Variants in RERE observed in about 807,000 individuals in gnomAD.
RERE encodes the protein arginine-glutamic acid dipeptide repeats.
A neutral mutation model predicts 146.1 loss-of-function variants in RERE; 40 were observed. The observed-to-expected ratio is 0.27, with a 90% CI of 0.21 to 0.36. The LOEUF (loss-of-function observed/expected upper bound fraction) is 0.36, where lower values mean the gene tolerates loss of function less well. Among genes scored for constraint, RERE ranks in the 10% least tolerant of loss-of-function variants. The pLI is 1.00. For missense variants in RERE, 1,933 were observed against 2,138.7 expected (o/e 0.90, Z 1.90); for synonymous variants, 1,003 against 866.0 (o/e 1.16, Z -2.78).
chr1:8,402,730 G>A (rs1217809583), intron 12 of RERE, among the ~76,000 whole-genome samples: 1 of 152,160 alleles, frequency 6.6e-6, no homozygotes, highest in African/African-American at 2.4e-5. Flanking sequence ...ATGGTTTTGA[G>A]ATCAAGGTTA....
intron 1 of RERE, among the ~76,000 whole-genome samples, chr1:8,737,039 C>G (rs1239121609): frequency 6.6e-6 from 1 of 152,160 alleles, no homozygotes; most frequent in Non-Finnish European, 1.5e-5. Flanking sequence ...TCTGAAGACT[C>G]AGAAGCAGAC....
intron 1 of RERE, among the ~76,000 whole-genome samples, chr1:8,702,860 T>C (rs1639482645): frequency 6.6e-6 from 1 of 152,118 alleles, no homozygotes. Context: ...CCAACAGAAA[T>C]GCAATGGGAC....
chr1:8,363,248 C>G (rs1017380323), intron 15 of RERE, among the ~76,000 whole-genome samples: 4 of 152,234 alleles, frequency 2.6e-5, no homozygotes, highest in African/African-American at 7.2e-5. Context: ...AAATCAAACA[C>G]TTGTGGATTT....
At position 8,356,002 on chromosome 1, in the gene RERE, G is replaced by T; in HGVS notation, c.4486+98C>A. ...GGGGGAGCGAACCCACCTGCTCAAT[G>T]CATGAATGAATGAATGAGTAATGAA... On this transcript the variant is annotated intron_variant, in intron 21 of 22. Transcript: ENST00000400908. This position sits in a 1 kb window ranked among gnomAD's most constrained non-coding sequence, Gnocchi z 5.2. 1 of 1,316,862 alleles carries T rather than the reference G, an allele frequency of 7.6e-7. No individual in the cohort carries two copies. Among genetic ancestry groups the T allele is most frequent in the Non-Finnish European group, 1.0e-6 (1 of 986,334 alleles). 81.6% of individuals were successfully genotyped at this position (1,316,862 alleles called of 1,614,324 possible). A position where few individuals can be genotyped will look rare whatever the true frequency, so the allele number is the denominator to read the frequency against.
rs558862089 is a variant in RERE at position 8,603,640 on chromosome 1, T to A, written c.522+10921A>T. ...ACACAAATTATACCTAATTTGTGTA[T>A]TGGGGAAGGGAGGAAATTAAGTAAT... is the stretch of plus-strand genomic sequence containing the variant. On this transcript the variant is annotated intron_variant, in intron 4 of 22. Transcript: ENST00000400908. Among the ~76,000 whole-genome samples the A allele has an allele frequency of 8.7e-4, 132 of 152,144 alleles. 1 individual carries two copies. The highest frequency in any genetic ancestry group is 1.3e-3 in the African/African-American group (52 of 41,538).
At position 8,356,396 on chromosome 1, in the gene RERE, C is replaced by G; in HGVS notation, c.4340-150G>C. 1 of 922,656 alleles carries G rather than the reference C, an allele frequency of 1.1e-6. No individual in the cohort carries two copies. Among genetic ancestry groups the G allele is most frequent in the South Asian group, 2.4e-5 (1 of 41,944 alleles). 57.2% of individuals were successfully genotyped at this position (922,656 alleles called of 1,614,324 possible). The stretch of plus-strand genomic sequence containing the variant: ...CACCACCTGGCTACAGGTGGCCCTG[C>G]CCCAAAGTGGCTGCCTCCACCTTCA... On this transcript the variant is annotated intron_variant, in intron 20 of 22. Transcript: ENST00000400908. The surrounding 1 kb of genome is among the most constrained non-coding windows in gnomAD (Gnocchi z 5.2).
intron 1 of RERE, among the ~76,000 whole-genome samples, chr1:8,676,945 A>G (rs561520565): frequency 4.6e-5 from 7 of 152,088 alleles, no homozygotes; most frequent in Non-Finnish European, 8.8e-5. Context: ...TGTCAGGCCC[A>G]ATTTCCTCCT....
intron 1 of RERE, among the ~76,000 whole-genome samples, chr1:8,809,157 A>AAAAAAAAAAAAAAAATAAAAAT (rs985140466): frequency 1.4e-5 from 2 of 146,122 alleles, no homozygotes; most frequent in African/African-American, 5.5e-5. Context: ...AAAAAAAAAA[A>AAAAAAAAAAAAAAAATAAAAAT]AAAGTACTGA....
chr1:8,367,176 A>G (rs150106775), intron 12 of RERE, among the ~76,000 whole-genome samples: 93 of 152,330 alleles, frequency 6.1e-4, no homozygotes, highest in African/African-American at 2.1e-3. Context: ...GGACTAAAAT[A>G]GACAAACCAA....
chr1:8,480,100 A>G (rs1644811296), intron 10 of RERE, among the ~76,000 whole-genome samples: 2 of 151,426 alleles, frequency 1.3e-5, no homozygotes, highest in Non-Finnish European at 2.9e-5. Context: ...AAATAAATGA[A>G]TATATGATTT....
intron 1 of RERE, among the ~76,000 whole-genome samples, chr1:8,686,478 G>A (rs372145030): frequency 2.6e-5 from 4 of 152,182 alleles, no homozygotes; most frequent in East Asian, 1.9e-4. Context: ...AGCCGGGCAC[G>A]GTGGCTCATG....
intron 7 of RERE, among the ~76,000 whole-genome samples, chr1:8,523,047 G>A (rs529445546): frequency 6.6e-6 from 1 of 151,452 alleles, no homozygotes; most frequent in African/African-American, 2.4e-5. Flanking sequence ...GTGTGGTGGC[G>A]CCCACCTGTA....
intron 7 of RERE, 106 bp downstream of exon 7, chr1:8,541,108 T>C: frequency 1.9e-6 from 1 of 518,060 alleles, no homozygotes; most frequent in African/African-American, 1.9e-5. Context: ...AGTATGTTAC[T>C]AGTGTATGTC....
At chr1:8,715,607 T>C (rs1203153235) in intron 1 of RERE, among the ~76,000 whole-genome samples, 1 of 150,354 alleles carries the variant, frequency 6.7e-6, no homozygotes, top group East Asian at 2.0e-4. Context: ...AAGTAGAAGA[T>C]ATATAAAAGG....
intron 1 of RERE, among the ~76,000 whole-genome samples, chr1:8,680,868 A>T (rs1317345631): frequency 2.0e-5 from 3 of 152,154 alleles, no homozygotes; most frequent in Admixed American, 6.5e-5. Context: ...GGAGAAAGAG[A>T]CAGGTAAACA....
At chr1:8,709,397 G>T (rs1406804242) in intron 1 of RERE, among the ~76,000 whole-genome samples, 1 of 151,924 alleles carries the variant, frequency 6.6e-6, no homozygotes, top group Non-Finnish European at 1.5e-5. Context: ...TAAGATTACG[G>T]GTGAGCCACG....
At chr1:8,389,182 A>T (rs1463777873) in intron 12 of RERE, among the ~76,000 whole-genome samples, 2 of 152,228 alleles carry the variant, frequency 1.3e-5, no homozygotes, top group Admixed American at 6.5e-5. Flanking sequence ...GTGCTTCTAG[A>T]TAAGGCCGAA....
chr1:8,421,870 T>G (rs1467531176), intron 12 of RERE, among the ~76,000 whole-genome samples: 1 of 152,176 alleles, frequency 6.6e-6, no homozygotes, highest in Non-Finnish European at 1.5e-5. Context: ...GTGTTTCTGG[T>G]TAATGAGTCC....
At position 8,361,030 on chromosome 1, in the gene RERE, AGCGGGGGATGTG is replaced by A; in HGVS notation, c.2465_2476del (p.Pro822_Pro825del). 1 of 1,430,656 alleles carries A rather than the reference AGCGGGGGATGTG, an allele frequency of 7.0e-7. No homozygotes were observed. The highest frequency in any genetic ancestry group is 1.5e-5 in the South Asian group (1 of 67,438). The allele number at this position is 1,430,656 out of a possible 1,614,324, so 88.6% of individuals were successfully genotyped here. On this transcript the variant is annotated inframe_deletion, in exon 18 of 23. Transcript: ENST00000400908. ...GCCCGCCGACCCAGTCAGAGGCTGCAGCGGGGGATGTGGCGAGGGATGCGGCGGGGGATGCGG... is the reference window on the plus strand; with the variant it reads ...GCCCGCCGACCCAGTCAGAGGCTGCAGCGAGGGATGCGGCGGGGGATGCGG...
Sources: gnomAD v4.1 joint callset for allele counts (sites outside exome capture counted in the v4.1 genomes callset) on GRCh38, gnomAD v4.1.1 for gene constraint, Gnocchi (gnomAD v3.1) non-coding constraint, MANE v1.5 for transcripts, NCBI Gene and HGNC (gene_info 2026-07-23, HGNC 2026-07-21) for gene names.